The following LRMDA variants were observed in gnomAD, a reference collection of about 807,000 sequenced individuals.
LRMDA encodes leucine-rich melanocyte differentiation-associated protein.
Under a neutral mutation model 29.8 loss-of-function variants are expected in LRMDA, and 18 were observed. The ratio of observed to expected loss-of-function variants is 0.60; its 90% CI spans 0.42 to 0.90. The LOEUF (loss-of-function observed/expected upper bound fraction) is 0.90, where lower values mean the gene tolerates loss of function less well. Ranked by LOEUF, LRMDA falls within the 40% of genes least tolerant of loss-of-function variation. The pLI is 0.00. For synonymous variants in LRMDA, 125 were observed against 109.4 expected (o/e 1.14, Z -0.89); for missense variants, 273 against 273.9 (o/e 1.00, Z 0.02).
intron 2 of LRMDA, among the ~76,000 whole-genome samples, chr10:75,610,193 AG>A (rs1841009831): frequency 6.6e-6 from 1 of 152,240 alleles, no homozygotes; most frequent in Non-Finnish European, 1.5e-5. Flanking sequence ...TACATTCACA[AG>A]GTGGTGCAAC....
At position 76,558,311 on chromosome 10, in the gene LRMDA, GT is replaced by G. The variant is rs921245738; in HGVS notation, c.*1028del. The G allele has an allele frequency of 6.6e-6, 1 of 152,130 alleles. No homozygotes were observed. Among genetic ancestry groups the G allele is most frequent in the African/African-American group, 2.4e-5 (1 of 41,404 alleles). 9.4% of individuals were successfully genotyped at this position (152,130 alleles called of 1,614,324 possible). ...TTGAAAACACCCACCAGACCAAAGAGTTTTTATAGAAGGCACAAACCTTTTG... is the reference window on the plus strand; with the variant it reads ...TTGAAAACACCCACCAGACCAAAGAGTTTTATAGAAGGCACAAACCTTTTG... On this transcript the variant is annotated 3_prime_UTR_variant, in exon 7 of 7. Coordinates refer to ENST00000611255, the MANE Select transcript of LRMDA (RefSeq NM_001305581.2).
chr10:75,482,022 C>G (rs1392897567), intron 2 of LRMDA, among the ~76,000 whole-genome samples: 2 of 152,170 alleles, frequency 1.3e-5, no homozygotes, highest in Non-Finnish European at 2.9e-5. Flanking sequence ...CATCACGCAC[C>G]TCTCTTTTAT....
chr10:75,824,497 AG>A (rs1342745307), intron 2 of LRMDA, among the ~76,000 whole-genome samples: 1 of 151,666 alleles, frequency 6.6e-6, no homozygotes, highest in African/African-American at 2.4e-5. Flanking sequence ...TTACAAAAGA[AG>A]GTTGCTGAAC....
intron 6 of LRMDA, among the ~76,000 whole-genome samples, chr10:76,522,444 A>G (rs914986829): frequency 6.6e-6 from 1 of 152,224 alleles, no homozygotes; most frequent in Non-Finnish European, 1.5e-5. Flanking sequence ...TAAACAGTCA[A>G]TAAATATTTG....
chr10:76,361,125 G>C (rs1176956123), intron 6 of LRMDA, among the ~76,000 whole-genome samples: 2 of 152,086 alleles, frequency 1.3e-5, no homozygotes, highest in South Asian at 4.1e-4. Flanking sequence ...GTTGGATGCT[G>C]TGTTGTGTGC....
At chr10:76,493,408 C>T (rs1455880157) in intron 6 of LRMDA, among the ~76,000 whole-genome samples, 1 of 151,994 alleles carries the variant, frequency 6.6e-6, no homozygotes, top group Non-Finnish European at 1.5e-5. Flanking sequence ...AATGGGTTCC[C>T]ACTCTGGCTC....
intron 2 of LRMDA, among the ~76,000 whole-genome samples, chr10:75,750,305 C>T (rs1383498003): frequency 6.6e-6 from 1 of 151,622 alleles, no homozygotes; most frequent in East Asian, 2.0e-4. Flanking sequence ...GGGCTGCCCC[C>T]CACCTCCCTC....
chr10:76,378,910 G>A (rs991851743), intron 6 of LRMDA, among the ~76,000 whole-genome samples: 1 of 127,946 alleles, frequency 7.8e-6, no homozygotes, highest in African/African-American at 3.0e-5. Flanking sequence ...ACGCTGGAGT[G>A]CAGTGGCGCC....
At chr10:76,177,166 G>T (rs558478358) in intron 5 of LRMDA, among the ~76,000 whole-genome samples, 1 of 152,160 alleles carries the variant, frequency 6.6e-6, no homozygotes, top group African/African-American at 2.4e-5. Flanking sequence ...CCAGCAGCAC[G>T]CTTTTTAATC....
At chr10:76,296,251 A>C (rs1380624817) in intron 5 of LRMDA, among the ~76,000 whole-genome samples, 1 of 152,234 alleles carries the variant, frequency 6.6e-6, no homozygotes, top group African/African-American at 2.4e-5. Context: ...ACATTCTTCT[A>C]AACCCTAATA....
chr10:75,724,191 G>T (rs905356203), intron 2 of LRMDA, among the ~76,000 whole-genome samples: 1 of 152,154 alleles, frequency 6.6e-6, no homozygotes, highest in African/African-American at 2.4e-5. Context: ...ACTCTACTTG[G>T]TTGTGGAGTA....
rs191719766 is a variant in LRMDA, at chr10:76,271,325, T to G, written c.517-53076T>G. ...TGGGAGGCTGAGGTGGGAGGATCACTTGAGCCTGGGAGGTAGAGGTTGCAG... is the reference window on the plus strand; with the variant it reads ...TGGGAGGCTGAGGTGGGAGGATCACGTGAGCCTGGGAGGTAGAGGTTGCAG... On this transcript the variant is annotated intron_variant, in intron 5 of 6. Coordinates refer to ENST00000611255, the MANE Select transcript of LRMDA (RefSeq NM_001305581.2). 2.5e-3 allele frequency among the ~76,000 whole-genome samples: 378 copies of G among 152,188 alleles called. 1 individual carries two copies. The highest frequency in any genetic ancestry group is 8.5e-3 in the African/African-American group (351 of 41,532).
chr10:76,012,812 C>T (rs904653872), intron 2 of LRMDA, among the ~76,000 whole-genome samples: 3 of 152,116 alleles, frequency 2.0e-5, no homozygotes, highest in Admixed American at 6.6e-5. Flanking sequence ...CAAGCTGAGG[C>T]GCTTCTTTCG....
chr10:76,550,613 C>T (rs1371116274), intron 6 of LRMDA, among the ~76,000 whole-genome samples: 2 of 152,026 alleles, frequency 1.3e-5, no homozygotes, highest in African/African-American at 4.8e-5. Flanking sequence ...GCCTGAAGTC[C>T]TGCTCAGCTA....
chr10:75,757,102 A>ACAGC (rs1027134057), intron 2 of LRMDA, among the ~76,000 whole-genome samples: 11 of 152,186 alleles, frequency 7.2e-5, no homozygotes, highest in Admixed American at 1.3e-4. Context: ...TGGTGAAGAG[A>ACAGC]CAGCCACAAT....
At chr10:75,988,662 G>A (rs996005572) in intron 2 of LRMDA, among the ~76,000 whole-genome samples, 5 of 152,026 alleles carry the variant, frequency 3.3e-5, no homozygotes, top group South Asian at 4.2e-4. Flanking sequence ...GAGCAGCCAC[G>A]GAGTGCTCTG....
rs183568360 is a variant in LRMDA at position 76,115,274 on chromosome 10, A to G, written c.516+56491A>G. Among the ~76,000 whole-genome samples, 42 of 152,384 alleles carry G rather than the reference A, an allele frequency of 2.8e-4. No homozygotes were observed. In the East Asian group the frequency reaches 7.5e-3, roughly 27 times the overall value. ...GTGGTTAGGGAGATTGCTCATAGGTATATAAATCTTCATTTGACTCTTCAG... is the reference window on the plus strand; with the variant it reads ...GTGGTTAGGGAGATTGCTCATAGGTGTATAAATCTTCATTTGACTCTTCAG... On this transcript the variant is annotated intron_variant, in intron 5 of 6. Coordinates refer to ENST00000611255, the MANE Select transcript of LRMDA (RefSeq NM_001305581.2).
chr10:76,426,608 T>G (rs1842128739), intron 6 of LRMDA, among the ~76,000 whole-genome samples: 2 of 152,378 alleles, frequency 1.3e-5, no homozygotes, highest in African/African-American at 4.8e-5. Flanking sequence ...TGAGTTTAAT[T>G]AGATCCCATT....
At position 75,457,848 on chromosome 10, in the gene LRMDA, C is replaced by T. The variant is rs954227468; in HGVS notation, c.131+19354C>T. On this transcript the variant is annotated intron_variant, in intron 2 of 6. Transcript: ENST00000611255. Reference sequence around the variant, plus strand: ...ATTTGAATGCAAATGCACTTTAAATCACTAACACTACATAACTCTAATGCA... The same window carrying T: ...ATTTGAATGCAAATGCACTTTAAATTACTAACACTACATAACTCTAATGCA... Among the ~76,000 whole-genome samples, 7 of 152,306 alleles carry T rather than the reference C, an allele frequency of 4.6e-5. No homozygotes were observed. The South Asian group carries it at 1.5e-3, about 32-fold the overall frequency.
Sources: gnomAD v4.1 joint callset for allele counts (sites outside exome capture counted in the v4.1 genomes callset) on GRCh38, gnomAD v4.1.1 for gene constraint, MANE v1.5 for transcripts, NCBI Gene and HGNC (gene_info 2026-07-23, HGNC 2026-07-21) for gene names.